AHCY: variants seen among roughly 807,000 people sequenced by gnomAD.
AHCY encodes the protein S-adenosyl-L-homocysteine hydrolase.
In AHCY, 24 loss-of-function variants were observed where a neutral mutation model predicts 45.4. The ratio of observed to expected loss-of-function variants is 0.53; its 90% CI spans 0.38 to 0.74. The LOEUF (loss-of-function observed/expected upper bound fraction) is 0.74, where lower values mean the gene tolerates loss of function less well. Among genes scored for constraint, AHCY ranks in the 30% least tolerant of loss-of-function variants. The pLI, the probability that AHCY is intolerant of heterozygous loss-of-function variation, is 0.00. For missense variants in AHCY, 449 were observed against 594.1 expected (o/e 0.76, Z 2.54); for synonymous variants, 245 against 235.1 (o/e 1.04, Z -0.39).
chr20:34,279,433 AAAC>A (rs1287966564), downstream of AHCY, among the ~76,000 whole-genome samples: 21 of 151,840 alleles, frequency 1.4e-4, no homozygotes, highest in Non-Finnish European at 1.5e-4. Flanking sequence ...AAAAAAAAAA[AAAC>A]AACAACTCTA....
the AHCY span, among the ~76,000 whole-genome samples, chr20:34,238,303 T>C: frequency 3.1e-4 from 47 of 152,290 alleles, no homozygotes; most frequent in African/African-American, 1.1e-3. Flanking sequence ...TTCTGCTTGA[T>C]GGTGTCCCAC....
downstream of AHCY, among the ~76,000 whole-genome samples, chr20:34,279,006 G>A (rs909150503): frequency 6.6e-6 from 1 of 151,452 alleles, no homozygotes; most frequent in Non-Finnish European, 1.5e-5. Context: ...CTACTTGGGA[G>A]GCTGAGGCAG....
chr20:34,299,818 A>G (rs1350591650), intron 1 of AHCY, among the ~76,000 whole-genome samples: 1 of 152,124 alleles, frequency 6.6e-6, no homozygotes, highest in African/African-American at 2.4e-5. Flanking sequence ...TTTCACCTCA[A>G]TCAGCACGTT....
chr20:34,268,934 T>A, the AHCY span: 1 of 1,550,582 alleles, frequency 6.4e-7, no homozygotes, highest in Non-Finnish European at 8.7e-7. Context: ...CAGGCAGAGG[T>A]GAGGACCGGA....
chr20:34,265,967 G>C, the AHCY span, among the ~76,000 whole-genome samples: 8 of 151,896 alleles, frequency 5.3e-5, no homozygotes, highest in Non-Finnish European at 1.2e-4. Context: ...CAAAAGCGGA[G>C]GGGGGGAAGT....
At chr20:34,295,317 C>A in intron 2 of AHCY, 78 bp downstream of exon 2, 2 of 1,571,308 alleles carry the variant, frequency 1.3e-6, no homozygotes, top group Non-Finnish European at 1.7e-6. Flanking sequence ...AAGGTCCCCA[C>A]CCTGGCACAG....
At chr20:34,303,435 G>C, upstream of AHCY, 1 of 995,380 alleles carries the variant, frequency 1.0e-6, no homozygotes, top group Non-Finnish European at 1.5e-6. Context: ...GGCCCAACGC[G>C]CAGGGCGGAG....
chr20:34,301,182 C>A (rs901880923), intron 1 of AHCY, among the ~76,000 whole-genome samples: 1 of 152,212 alleles, frequency 6.6e-6, no homozygotes, highest in Admixed American at 6.5e-5. Flanking sequence ...AGAACCAGAA[C>A]TGGCAGCCAG....
chr20:34,260,407 G>A, the AHCY span: 1 of 1,613,932 alleles, frequency 6.2e-7, no homozygotes, highest in South Asian at 1.1e-5. Flanking sequence ...TGGCCACCCT[G>A]CTGGTCTTCC....
chr20:34,276,399 G>C (rs984689937), downstream of AHCY, among the ~76,000 whole-genome samples: 4 of 152,154 alleles, frequency 2.6e-5, no homozygotes, highest in East Asian at 7.7e-4. Flanking sequence ...CCCCACGAGA[G>C]ACAGGTTGAG....
intron 4 of AHCY, 73 bp downstream of exon 4, chr20:34,292,285 T>C (rs1461312510): frequency 4.5e-6 from 7 of 1,544,984 alleles, no homozygotes; most frequent in Non-Finnish European, 6.2e-6. Flanking sequence ...CTGCCAGGCC[T>C]GCGGCCATCA....
the AHCY span, chr20:34,246,342 A>G: frequency 3.1e-5 from 48 of 1,539,606 alleles, no homozygotes; most frequent in African/African-American, 6.9e-5. Context: ...TCTACAGTAA[A>G]TTTTGCAAGT....
At chr20:34,234,426 G>A in the AHCY span, among the ~76,000 whole-genome samples, 2 of 152,208 alleles carry the variant, frequency 1.3e-5, no homozygotes, top group Non-Finnish European at 2.9e-5. Context: ...TTCCAGAGTT[G>A]TGGTTGAGGC....
chr20:34,271,914 A>G, the AHCY span, among the ~76,000 whole-genome samples: 1 of 152,148 alleles, frequency 6.6e-6, no homozygotes, highest in Non-Finnish European at 1.5e-5. Context: ...CAAAGTGAGA[A>G]GTAAATCAGT....
rs11906980 is a variant in AHCY at position 34,302,087 on chromosome 20, G to A, written c.28+1156C>T. The A allele has an allele frequency of 0.029, 19,567 of 678,638 alleles. 3,345 individuals carry two copies. The African/African-American group carries it at 0.36, about 12-fold the overall frequency. 42.0% of individuals were successfully genotyped at this position (678,638 alleles called of 1,614,324 possible). ...GCAATCTCGGCTCACTGCAACCTCC[G>A]TCTCCCCGGCTCAAACAGTCCTCCT... On this transcript the variant is annotated intron_variant, in intron 1 of 9. Transcript: ENST00000217426.
chr20:34,303,276 C>G lies in AHCY; in HGVS notation c.-6G>C. On this transcript the variant is annotated 5_prime_UTR_variant, in exon 1 of 10. Coordinates refer to ENST00000217426, the MANE Select transcript of AHCY (RefSeq NM_000687.4). ...TAGGGCAGTTTGTCAGACATGCTGG[C>G]GGCACTCGTGATGGAAACGGGCGAA... is the stretch of plus-strand genomic sequence containing the variant. 1.3e-6 allele frequency: 2 copies of G among 1,551,738 alleles called. No homozygotes were observed. The highest frequency in any genetic ancestry group is 1.7e-6 in the Non-Finnish European group (2 of 1,146,992).
At position 34,297,273 on chromosome 20, in the gene AHCY, ACAT is replaced by A. The variant is rs757433421; in HGVS notation, c.29-1691_29-1689del. 1.1e-3 allele frequency among the ~76,000 whole-genome samples: 161 copies of A among 151,900 alleles called. 1 individual carries two copies. The highest frequency in any genetic ancestry group is 3.2e-3 in the Middle Eastern group (1 of 316). ...GGAGGACAATCACAACCCCACCAAG[ACAT>A]CATATTTAATTAATTAATTAATTAA... On this transcript the variant is annotated intron_variant, in intron 1 of 9. Transcript: ENST00000217426.
chr20:34,269,093 G>A, the AHCY span: 1 of 1,572,594 alleles, frequency 6.4e-7, no homozygotes, highest in Non-Finnish European at 8.6e-7. Flanking sequence ...CGCCTGCTGC[G>A]ACCCGTGCGC....
chr20:34,289,513 T>G, intron 8 of AHCY, among the ~76,000 whole-genome samples: 1 of 139,098 alleles, frequency 7.2e-6, no homozygotes, highest in East Asian at 2.2e-4. Context: ...CTCACTCTTA[T>G]TAACCAGGCA....
Sources: allele counts gnomAD v4.1 joint callset (sites outside exome capture counted in the v4.1 genomes callset), GRCh38; gene constraint gnomAD v4.1.1; transcripts MANE v1.5; gene names NCBI Gene and HGNC (gene_info 2026-07-23, HGNC 2026-07-21).